Variants in SH2B2 observed in about 807,000 individuals in gnomAD.
SH2B2 encodes SH2B adaptor protein 2.
A neutral mutation model predicts 35.7 loss-of-function variants in SH2B2; 37 were observed. The observed-to-expected ratio is 1.04, with a 90% confidence interval of 0.80 to 1.36. SH2B2 has a LOEUF of 1.36. Ranked by LOEUF, SH2B2 falls within the 40% of genes most tolerant of loss-of-function variation. The pLI is 0.00. For missense variants in SH2B2, 852 were observed against 817.7 expected (o/e 1.04, Z -0.51); for synonymous variants, 383 against 376.4 (o/e 1.02, Z -0.20).
upstream of SH2B2, among the ~76,000 whole-genome samples, chr7:102,286,192 G>A (rs1204929889): frequency 6.6e-6 from 1 of 152,248 alleles, no homozygotes. Flanking sequence ...TCACAGCGAA[G>A]GCTGGGTGGT....
At chr7:102,286,362 A>G (rs1483765699), upstream of SH2B2, among the ~76,000 whole-genome samples, 1 of 152,114 alleles carries the variant, frequency 6.6e-6, no homozygotes, top group Non-Finnish European at 1.5e-5. Context: ...CCAGGCTCCC[A>G]TTGTCCCTGC....
rs576811092 is a variant in SH2B2, at chr7:102,315,327, C to T, written c.1186+645C>T. Among the ~76,000 whole-genome samples the T allele has an allele frequency of 5.3e-5, 8 of 152,092 alleles. No individual in the cohort carries two copies. The East Asian group carries it at 9.7e-4, about 18-fold the overall frequency. On this transcript the variant is annotated intron_variant, in intron 6 of 8. Transcript: ENST00000444095. Reference sequence around the variant, plus strand: ...GACTAGCCTGGACAACATAGCAAGACGCTATCTGTACAAAATTTTTGAGAC... The same window carrying T: ...GACTAGCCTGGACAACATAGCAAGATGCTATCTGTACAAAATTTTTGAGAC...
At chr7:102,289,878 G>A (rs566971832) in intron 1 of SH2B2, among the ~76,000 whole-genome samples, 1 of 152,244 alleles carries the variant, frequency 6.6e-6, no homozygotes, top group African/African-American at 2.4e-5. Flanking sequence ...TGGGGTGGGA[G>A]TAACCAGGGC....
chr7:102,321,321 C>A lies in SH2B2; in HGVS notation c.1590C>A (p.Ala530=). 2 of 1,427,290 alleles carry A rather than the reference C, an allele frequency of 1.4e-6. No individual in the cohort carries two copies. Among genetic ancestry groups the A allele is most frequent in the Non-Finnish European group, 9.1e-7 (1 of 1,096,188 alleles). The allele number at this position is 1,427,290 out of a possible 1,614,324, so 88.4% of individuals were successfully genotyped here. Residue 530 remains alanine, a synonymous_variant, in exon 9 of 9, where the codon GCC becomes GCA. Transcript: ENST00000444095. Reference sequence around the variant, plus strand: ...CAGAGCCGGGCCCCACGCCCCCTGCCGCGCCCGCGTCCCCGGCCTGCTGGA... The same window carrying A: ...CAGAGCCGGGCCCCACGCCCCCTGCAGCGCCCGCGTCCCCGGCCTGCTGGA... The part of the protein sequence containing the change: ...PPPEPGPTPP[A]APASPACWSD...
chr7:102,313,022 G>A (rs1016274872), intron 4 of SH2B2, among the ~76,000 whole-genome samples: 7,026 of 151,444 alleles, frequency 0.046, 197 homozygotes, highest in Middle Eastern at 0.11. Flanking sequence ...TCAGCTACTC[G>A]GGAGGCTGAG....
chr7:102,286,522 G>T (rs982280745), upstream of SH2B2, among the ~76,000 whole-genome samples: 1 of 152,078 alleles, frequency 6.6e-6, no homozygotes, highest in African/African-American at 2.4e-5. Context: ...CCGCGGGCTC[G>T]AGGGGTGGCC....
Position 102,321,333 on chromosome 7 carries a change from C to A in SH2B2, c.1602C>A (p.Ser534=), listed in dbSNP as rs1335305262. ...PGPTPPAAPA[S]PACWSDSPGQ... Reference sequence around the variant, plus strand: ...CCACGCCCCCTGCCGCGCCCGCGTCCCCGGCCTGCTGGAGCGACTCGCCCG... The same window carrying A: ...CCACGCCCCCTGCCGCGCCCGCGTCACCGGCCTGCTGGAGCGACTCGCCCG... The change falls in exon 9 of 9, where the codon TCC becomes TCA. Residue 534 remains serine, a synonymous_variant. Coordinates refer to ENST00000444095, the MANE Select transcript of SH2B2 (RefSeq NM_001359228.2). The A allele has an allele frequency of 3.5e-6, 5 of 1,438,268 alleles. No homozygotes were observed. Among genetic ancestry groups the A allele is most frequent in the Non-Finnish European group, 4.5e-6 (5 of 1,101,970 alleles). The allele number at this position is 1,438,268 out of a possible 1,614,324, so 89.1% of individuals were successfully genotyped here.
intron 4 of SH2B2, among the ~76,000 whole-genome samples, chr7:102,310,861 A>G (rs1554555916): frequency 6.6e-6 from 1 of 152,026 alleles, no homozygotes; most frequent in African/African-American, 2.4e-5. Flanking sequence ...ACAAATCGGG[A>G]GAGAAACCTT....
chr7:102,288,358 G>A (rs568450676), intron 1 of SH2B2, among the ~76,000 whole-genome samples: 1 of 152,174 alleles, frequency 6.6e-6, no homozygotes, highest in African/African-American at 2.4e-5. Flanking sequence ...TGTGGATCAG[G>A]GCATTTTTGG....
Position 102,297,079 on chromosome 7 carries a change from T to C in SH2B2, c.-29-3443T>C, listed in dbSNP as rs140915699. On this transcript the variant is annotated intron_variant, in intron 1 of 8. Coordinates refer to ENST00000444095, the MANE Select transcript of SH2B2 (RefSeq NM_001359228.2). The surrounding 1 kb of genome is among the most constrained non-coding windows in gnomAD (Gnocchi z 4.3). ...TCAACAGAGGTCTGAAAATATTAAA[T>C]AGAAAATCCCAGAAGTAAACATACA... Among the ~76,000 whole-genome samples the C allele has an allele frequency of 3.3e-5, 5 of 152,180 alleles. No homozygotes were observed. The highest frequency in any genetic ancestry group is 1.2e-4 in the African/African-American group (5 of 41,520).
In SH2B2 at chr7:102,314,533, C is replaced by G. The variant is rs1024336821; in HGVS notation, c.1037C>G (p.Pro346Arg). Reference sequence around the variant, plus strand: ...CCAGCAGTCGACCTGCCCCGCCCCCCAGAGACGACAGCCGTGGGTGCAGTG... The same window carrying G: ...CCAGCAGTCGACCTGCCCCGCCCCCGAGAGACGACAGCCGTGGGTGCAGTG... ...LTDAVDLPRP[P>R]ETTAVGAVVT... is the part of the protein sequence containing the mutation. Residue 346 changes from proline to arginine, a missense_variant, in exon 6 of 9, where the codon CCA becomes CGA. By Grantham distance (103) the Pro-to-Arg change is moderately radical. Around this residue, in one of 3 missense-constraint regions of SH2B2, gnomAD observed 556 missense variants for 514.5 expected, o/e 1.08. Transcript: ENST00000444095. 2.5e-6 allele frequency: 1 copy of G among 398,684 alleles called. No homozygotes were observed. The highest frequency in any genetic ancestry group is 4.4e-6 in the Non-Finnish European group (1 of 226,236). The allele number at this position is 398,684 out of a possible 1,614,324, so 24.7% of individuals were successfully genotyped here. A position where few individuals can be genotyped will look rare whatever the true frequency, so the allele number is the denominator to read the frequency against.
At chr7:102,316,885 G>A (rs1219403083) in intron 6 of SH2B2, among the ~76,000 whole-genome samples, 4 of 151,930 alleles carry the variant, frequency 2.6e-5, no homozygotes, top group Non-Finnish European at 5.9e-5. Flanking sequence ...TGGGTGTGGT[G>A]GTGGGCGCCT....
chr7:102,309,041 G>A (rs1793511330), intron 4 of SH2B2, 135 bp downstream of exon 4: 1 of 781,486 alleles, frequency 1.3e-6, no homozygotes, highest in Non-Finnish European at 2.3e-6. Flanking sequence ...TCAGGTTGGT[G>A]CCAGCCAGGA....
intron 4 of SH2B2, among the ~76,000 whole-genome samples, chr7:102,312,045 T>C (rs1272796463): frequency 6.9e-6 from 1 of 144,792 alleles, no homozygotes; most frequent in African/African-American, 2.6e-5. Flanking sequence ...ACCACTGAAC[T>C]CCACTGGGTG....
Position 102,297,155 on chromosome 7 carries a change from A to G in SH2B2, c.-29-3367A>G, listed in dbSNP as rs1554552607. On this transcript the variant is annotated intron_variant, in intron 1 of 8. Transcript: ENST00000444095. This position sits in a 1 kb window ranked among gnomAD's most constrained non-coding sequence, Gnocchi z 4.3. ...TCTGAGTAGCAGGATGAAGTCTCAA[A>G]CCATCCCGCTGTTCTGCCTGGGATG... Among the ~76,000 whole-genome samples, 1 of 152,102 alleles carries G rather than the reference A, an allele frequency of 6.6e-6. No homozygotes were observed. Among genetic ancestry groups the G allele is most frequent in the Non-Finnish European group, 1.5e-5 (1 of 68,016 alleles).
Position 102,321,624 on chromosome 7 carries a change from C to A in SH2B2, c.1893C>A (p.Phe631Leu). Residue 631 changes from phenylalanine (F) to leucine (L), a missense_variant, in exon 9 of 9, where the codon TTC (phenylalanine) becomes TTA (leucine). Phe to Leu is a conservative substitution (Grantham distance 22). This residue lies in a region of SH2B2 where 556 missense variants were observed against 514.5 expected (regional missense o/e 1.08). Transcript: ENST00000444095. ...RARAVENQYSFY is the reference protein window; with the variant it reads ...RARAVENQYSLY ...GCGCCGTGGAGAACCAGTACTCCTT[C>A]TACTAGCCCGCGGCGCCGCCCGGGT... The A allele has an allele frequency of 1.7e-6, 2 of 1,149,812 alleles. No individual in the cohort carries two copies. Among genetic ancestry groups the A allele is most frequent in the Non-Finnish European group, 2.1e-6 (2 of 934,258 alleles). The allele number at this position is 1,149,812 out of a possible 1,614,324, so 71.2% of individuals were successfully genotyped here. A position where few individuals can be genotyped will look rare whatever the true frequency, so the allele number is the denominator to read the frequency against.
At chr7:102,314,916 C>T (rs1289697196) in intron 6 of SH2B2, among the ~76,000 whole-genome samples, 3 of 152,192 alleles carry the variant, frequency 2.0e-5, no homozygotes, top group Non-Finnish European at 2.9e-5. Context: ...GGGCCGGGTG[C>T]GGTGGCTCAC....
At chr7:102,309,318 C>T in intron 4 of SH2B2, 1 of 366,798 alleles carries the variant, frequency 2.7e-6, no homozygotes, top group Non-Finnish European at 5.3e-6. Context: ...TCAAGACCAG[C>T]CTGGGCAACA....
At chr7:102,306,626 A>G in intron 2 of SH2B2, 95 bp from the exon 3 acceptor site, 1 of 865,952 alleles carries the variant, frequency 1.2e-6, no homozygotes, top group Non-Finnish European at 1.9e-6. Flanking sequence ...GTGGCAGTCT[A>G]TTTGAGGGCC....
Sources: allele counts gnomAD v4.1 joint callset (sites outside exome capture counted in the v4.1 genomes callset), GRCh38; gene constraint gnomAD v4.1.1; regional missense constraint gnomAD v4.1.1; non-coding constraint Gnocchi (gnomAD v3.1); transcripts MANE v1.5; gene names NCBI Gene and HGNC (gene_info 2026-07-23, HGNC 2026-07-21).